Variants in ERBB4 observed in about 807,000 individuals in gnomAD.
ERBB4 encodes the protein erb-b2 receptor tyrosine kinase 4, also known as receptor tyrosine-protein kinase erbB-4.
ERBB4 carries 42 observed loss-of-function variants against 158.0 expected under a neutral mutation model. The observed-to-expected ratio is 0.27, with a 90% CI of 0.21 to 0.34. The LOEUF is 0.34. ERBB4 is among the 10% of genes least tolerant of loss of function. The pLI is 1.00. For missense variants in ERBB4, 1,333 were observed against 1,624.1 expected (o/e 0.82, Z 3.08); for synonymous variants, 583 against 558.7 (o/e 1.04, Z -0.61).
chr2:212,289,144 A>T (rs1169805407), intron 1 of ERBB4, among the ~76,000 whole-genome samples: 1 of 152,190 alleles, frequency 6.6e-6, no homozygotes, highest in Non-Finnish European at 1.5e-5. Flanking sequence ...ACTATAAATG[A>T]AATGGGTGTA....
At chr2:211,881,378 T>G (rs2078656323) in intron 3 of ERBB4, among the ~76,000 whole-genome samples, 1 of 152,144 alleles carries the variant, frequency 6.6e-6, no homozygotes, top group African/African-American at 2.4e-5. Flanking sequence ...AAGAGCAGCC[T>G]GAAATACTGA....
At chr2:212,108,850 C>G (rs2079312469) in intron 2 of ERBB4, among the ~76,000 whole-genome samples, 1 of 151,842 alleles carries the variant, frequency 6.6e-6, no homozygotes. Context: ...AACTTTCTAC[C>G]AAATGCATGA....
At chr2:211,441,363 G>A (rs2063971598) in intron 20 of ERBB4, among the ~76,000 whole-genome samples, 1 of 152,080 alleles carries the variant, frequency 6.6e-6, no homozygotes, top group African/African-American at 2.4e-5. Context: ...AAATTGTCCT[G>A]GGAGAGTCTG....
intron 1 of ERBB4, among the ~76,000 whole-genome samples, chr2:212,360,668 TA>T (rs1167774574): frequency 6.6e-6 from 1 of 151,650 alleles, no homozygotes; most frequent in African/African-American, 2.4e-5. Context: ...TTAAGGAAAA[TA>T]AAATGACCCT....
intron 9 of ERBB4, among the ~76,000 whole-genome samples, chr2:211,705,626 T>C (rs1048813801): frequency 6.6e-6 from 1 of 152,170 alleles, no homozygotes; most frequent in African/African-American, 2.4e-5. Context: ...ATCTATAAGA[T>C]TATTCAGCTT....
chr2:212,204,460 G>T (rs554886730), intron 1 of ERBB4, among the ~76,000 whole-genome samples: 34 of 152,178 alleles, frequency 2.2e-4, no homozygotes, highest in African/African-American at 8.2e-4. Context: ...CACTTCAGGA[G>T]GCCAAGACAG....
chr2:212,260,208 G>A (rs2084888517), intron 1 of ERBB4, among the ~76,000 whole-genome samples: 1 of 152,106 alleles, frequency 6.6e-6, no homozygotes, highest in Admixed American at 6.6e-5. Flanking sequence ...AAACTGTCTG[G>A]CAAATAGAGT....
chr2:211,807,064 T>A (rs1198548170), intron 3 of ERBB4, among the ~76,000 whole-genome samples: 4 of 152,090 alleles, frequency 2.6e-5, no homozygotes, highest in Non-Finnish European at 5.9e-5. Context: ...TTAATTATAT[T>A]TTAAATATAT....
At chr2:212,422,005 C>A (rs1268442282) in intron 1 of ERBB4, among the ~76,000 whole-genome samples, 2 of 152,078 alleles carry the variant, frequency 1.3e-5, no homozygotes, top group African/African-American at 4.8e-5. Context: ...TCAGGGAAGG[C>A]AAATATGATG....
Position 212,250,378 on chromosome 2 carries a change from T to A in ERBB4, c.83-125475A>T, listed in dbSNP as rs928682508. ...ATGTAATTGTGAGCAAATCTGTAAA[T>A]TAGCACTAAGACAACTGTTACAAGT... On this transcript the variant is annotated intron_variant, in intron 1 of 27. Transcript: ENST00000342788. 2.0e-5 allele frequency among the ~76,000 whole-genome samples: 3 copies of A among 151,938 alleles called. No individual in the cohort carries two copies. The East Asian group carries it at 5.8e-4, about 29-fold the overall frequency.
chr2:212,236,574 T>C (rs2083884065), intron 1 of ERBB4, among the ~76,000 whole-genome samples: 1 of 152,330 alleles, frequency 6.6e-6, no homozygotes, highest in Admixed American at 6.5e-5. Context: ...TGGTGGAATT[T>C]AGCTCCGAAT....
intron 20 of ERBB4, among the ~76,000 whole-genome samples, chr2:211,459,968 T>TA (rs1378544834): frequency 2.0e-5 from 3 of 151,858 alleles, no homozygotes; most frequent in South Asian, 2.1e-4. Context: ...GCAAAGAAAA[T>TA]AAAAAATTTA....
chr2:211,854,080 T>C (rs1259871391), intron 3 of ERBB4, among the ~76,000 whole-genome samples: 1 of 152,166 alleles, frequency 6.6e-6, no homozygotes, highest in Non-Finnish European at 1.5e-5. Flanking sequence ...GTTTGAATTT[T>C]CTCAAATTGT....
chr2:212,474,165 T>C (rs962488941), intron 1 of ERBB4, among the ~76,000 whole-genome samples: 4 of 152,054 alleles, frequency 2.6e-5, no homozygotes, highest in African/African-American at 9.7e-5. Context: ...AGAAGCCAAT[T>C]AATGGACCAA....
At chr2:211,390,806 T>C (rs2062783915) in intron 25 of ERBB4, among the ~76,000 whole-genome samples, 1 of 152,202 alleles carries the variant, frequency 6.6e-6, no homozygotes, top group Non-Finnish European at 1.5e-5. Context: ...TAGGAGCATC[T>C]TCATGAATTT....
At chr2:211,778,963 T>G (rs2075967659) in intron 4 of ERBB4, 1 of 152,200 alleles carries the variant, frequency 6.6e-6, no homozygotes, top group South Asian at 2.1e-4. Context: ...TGTACCAACA[T>G]GTATTCTGCT....
At chr2:212,356,529 T>G (rs2089469482) in intron 1 of ERBB4, among the ~76,000 whole-genome samples, 1 of 151,996 alleles carries the variant, frequency 6.6e-6, no homozygotes, top group African/African-American at 2.4e-5. Context: ...AAAATACATT[T>G]CACAAAGCAT....
At chr2:211,473,985 T>G (rs2064893652) in intron 20 of ERBB4, among the ~76,000 whole-genome samples, 1 of 152,034 alleles carries the variant, frequency 6.6e-6, no homozygotes, top group Non-Finnish European at 1.5e-5. Flanking sequence ...CCATTTCGTC[T>G]CCAAGGAGCA....
intron 7 of ERBB4, 119 bp downstream of exon 7, chr2:211,722,271 TATC>T: frequency 1.3e-6 from 1 of 780,108 alleles, no homozygotes; most frequent in South Asian, 1.6e-5. Context: ...GGGGCAATAG[TATC>T]TATACCCAAA....
Sources: gnomAD v4.1 joint callset for allele counts (sites outside exome capture counted in the v4.1 genomes callset) on GRCh38, gnomAD v4.1.1 for gene constraint, MANE v1.5 for transcripts, NCBI Gene and HGNC (gene_info 2026-07-23, HGNC 2026-07-21) for gene names.